PACS1: variants seen among roughly 807,000 people sequenced by gnomAD.
PACS1 encodes phosphofurin acidic cluster sorting protein 1, also known as PACS-1.
PACS1 carries 24 observed loss-of-function variants against 115.0 expected under a neutral mutation model. That is an observed-to-expected ratio of 0.21 (90% CI 0.15 to 0.29). The LOEUF (loss-of-function observed/expected upper bound fraction) is 0.29, where lower values mean the gene tolerates loss of function less well. PACS1 is among the 10% of genes least tolerant of loss of function. The pLI, the probability that PACS1 is intolerant of heterozygous loss-of-function variation, is 1.00. For synonymous variants in PACS1, 453 were observed against 504.5 expected (o/e 0.90, Z 1.37); for missense variants, 838 against 1,251.2 (o/e 0.67, Z 4.98).
At chr11:66,110,163 GT>G (rs1442201229) in intron 1 of PACS1, among the ~76,000 whole-genome samples, 1 of 152,036 alleles carries the variant, frequency 6.6e-6, no homozygotes, top group Non-Finnish European at 1.5e-5. Flanking sequence ...TGAGGGAGTA[GT>G]TATATCTTAC....
intron 1 of PACS1, among the ~76,000 whole-genome samples, chr11:66,107,205 G>A (rs1330583456): frequency 1.3e-5 from 2 of 152,206 alleles, no homozygotes; most frequent in Admixed American, 6.5e-5. Flanking sequence ...TTGCAGCCAC[G>A]CAGGCTTCTT....
At chr11:66,180,861 G>A (rs2134654546) in intron 1 of PACS1, among the ~76,000 whole-genome samples, 1 of 152,088 alleles carries the variant, frequency 6.6e-6, no homozygotes, top group East Asian at 1.9e-4. Flanking sequence ...GTTTCACCAT[G>A]TTGCCCAGGC....
At chr11:66,227,859 T>C (rs1855498219) in intron 11 of PACS1, among the ~76,000 whole-genome samples, 1 of 152,178 alleles carries the variant, frequency 6.6e-6, no homozygotes, top group Non-Finnish European at 1.5e-5. Flanking sequence ...GGGAAACTTC[T>C]CACCATCTGT....
At chr11:66,179,457 G>A (rs749981815) in intron 1 of PACS1, among the ~76,000 whole-genome samples, 14 of 152,150 alleles carry the variant, frequency 9.2e-5, no homozygotes, top group Non-Finnish European at 1.9e-4. Context: ...GATTACAGAC[G>A]TGAGCCACTG....
chr11:66,094,581 T>G (rs1316801818), intron 1 of PACS1, among the ~76,000 whole-genome samples: 3 of 152,114 alleles, frequency 2.0e-5, no homozygotes, highest in South Asian at 2.1e-4. Flanking sequence ...AAGAGTCCAG[T>G]ACCAGATGGA....
At chr11:66,209,486 A>G (rs1855021709) in intron 2 of PACS1, among the ~76,000 whole-genome samples, 1 of 152,242 alleles carries the variant, frequency 6.6e-6, no homozygotes, top group Admixed American at 6.5e-5. Flanking sequence ...GGGAACTCAC[A>G]GACGTTAACA....
intron 1 of PACS1, among the ~76,000 whole-genome samples, chr11:66,117,646 C>T (rs986912420): frequency 9.2e-5 from 14 of 151,532 alleles, no homozygotes; most frequent in Admixed American, 2.0e-4. Flanking sequence ...CGGGAGTTCG[C>T]GACCAGCCTG....
chr11:66,202,485 G>T (rs2134687005), intron 2 of PACS1, among the ~76,000 whole-genome samples: 1 of 151,982 alleles, frequency 6.6e-6, no homozygotes, highest in African/African-American at 2.4e-5. Context: ...CATTCATCAT[G>T]ACCAAGTGAG....
rs61891825 is a variant in PACS1 at position 66,133,438 on chromosome 11, T to A, written c.357-60048T>A. Among the ~76,000 whole-genome samples, 909 of 152,316 alleles carry A rather than the reference T, an allele frequency of 6.0e-3. 4 individuals carry two copies. Among genetic ancestry groups the A allele is most frequent in the Middle Eastern group, 0.014 (4 of 294 alleles). ...GCACAGATGCTTGGGGCAAAGGATCTTGCCAACCTCGATGCAGGTCACTGG... is the reference window on the plus strand; with the variant it reads ...GCACAGATGCTTGGGGCAAAGGATCATGCCAACCTCGATGCAGGTCACTGG... On this transcript the variant is annotated intron_variant, in intron 1 of 23. Coordinates refer to ENST00000320580, the MANE Select transcript of PACS1 (RefSeq NM_018026.4).
At chr11:66,085,998 A>G (rs1393822458) in intron 1 of PACS1, among the ~76,000 whole-genome samples, 1 of 152,204 alleles carries the variant, frequency 6.6e-6, no homozygotes, top group Non-Finnish European at 1.5e-5. Flanking sequence ...CACTGGCGAT[A>G]TGATTTTCTA....
At chr11:66,227,697 G>GA in intron 11 of PACS1, 113 bp downstream of exon 11, 1 of 645,928 alleles carries the variant, frequency 1.5e-6, no homozygotes, top group Non-Finnish European at 2.7e-6. Flanking sequence ...AAATCTGCAG[G>GA]CTTATGAATG....
At chr11:66,079,460 T>A (rs1857449540) in intron 1 of PACS1, among the ~76,000 whole-genome samples, 1 of 152,088 alleles carries the variant, frequency 6.6e-6, no homozygotes, top group Non-Finnish European at 1.5e-5. Flanking sequence ...ACCAAATGGC[T>A]TCAGGGTTTA....
intron 1 of PACS1, among the ~76,000 whole-genome samples, chr11:66,128,704 G>A (rs1435287123): frequency 6.6e-6 from 1 of 151,690 alleles, no homozygotes; most frequent in Non-Finnish European, 1.5e-5. Flanking sequence ...GCCAACATGG[G>A]GAAACCCTGT....
chr11:66,162,651 G>A lies in PACS1; in HGVS notation c.357-30835G>A, dbSNP rs2078579295. ...TCTTCTGGTCTCCAGAGCTATGAGA[G>A]AATAAATTATGGTTGTCTTAAACCA... On this transcript the variant is annotated intron_variant, in intron 1 of 23. Transcript: ENST00000320580. Among the ~76,000 whole-genome samples, 3 of 152,330 alleles carry A rather than the reference G, an allele frequency of 2.0e-5. No individual in the cohort carries two copies. In the South Asian group the frequency reaches 6.2e-4, roughly 32 times the overall value.
chr11:66,214,951 T>A (rs1390071334), intron 4 of PACS1, among the ~76,000 whole-genome samples: 1 of 150,584 alleles, frequency 6.6e-6, no homozygotes, highest in African/African-American at 2.4e-5. Context: ...TTTTCTTTTT[T>A]AGATGGAGTG....
Position 66,235,847 on chromosome 11 carries a change from T to G in PACS1, c.2208-51T>G. ...ATAGGAAAGGCCAATTCCCCAGCAC[T>G]CCTCCCTGTCTCTCCTACTAACTAT... On this transcript the variant is annotated intron_variant, in intron 18 of 23. Coordinates refer to ENST00000320580, the MANE Select transcript of PACS1 (RefSeq NM_018026.4). This position sits in a 1 kb window ranked among gnomAD's most constrained non-coding sequence, Gnocchi z 5.6. The G allele has an allele frequency of 6.7e-7, 1 of 1,499,546 alleles. No individual in the cohort carries two copies. The highest frequency in any genetic ancestry group is 9.3e-7 in the Non-Finnish European group (1 of 1,075,602). The allele number at this position is 1,499,546 out of a possible 1,614,324, so 92.9% of individuals were successfully genotyped here.
chr11:66,139,991 CAGG>C (rs1226515595), intron 1 of PACS1, among the ~76,000 whole-genome samples: 1 of 152,206 alleles, frequency 6.6e-6, no homozygotes, highest in Non-Finnish European at 1.5e-5. Flanking sequence ...TGCCAAACTA[CAGG>C]AGAAGGCCTA....
intron 1 of PACS1, among the ~76,000 whole-genome samples, chr11:66,116,141 C>T (rs1565112618): frequency 6.6e-6 from 1 of 152,190 alleles, no homozygotes; most frequent in Non-Finnish European, 1.5e-5. Flanking sequence ...CTTCCTATTG[C>T]TAATGTGCAA....
At chr11:66,194,078 C>T (rs533368960) in intron 2 of PACS1, among the ~76,000 whole-genome samples, 2 of 152,334 alleles carry the variant, frequency 1.3e-5, no homozygotes, top group African/African-American at 2.4e-5. Context: ...ATTCTCCTGC[C>T]TCAGCCTCCC....
Sources: allele counts gnomAD v4.1 joint callset (sites outside exome capture counted in the v4.1 genomes callset), GRCh38; gene constraint gnomAD v4.1.1; non-coding constraint Gnocchi (gnomAD v3.1); transcripts MANE v1.5; gene names NCBI Gene and HGNC (gene_info 2026-07-23, HGNC 2026-07-21).